The following XPOT variants were observed in gnomAD, a reference collection of about 807,000 sequenced individuals.
The protein encoded by XPOT is exportin-T.
A neutral mutation model predicts 128.2 loss-of-function variants in XPOT; 34 were observed. The ratio of observed to expected loss-of-function variants is 0.27; its 90% CI spans 0.20 to 0.35. The LOEUF (loss-of-function observed/expected upper bound fraction) is 0.35. Among genes scored for constraint, XPOT ranks in the 10% least tolerant of loss-of-function variants. The pLI, the probability that XPOT is intolerant of heterozygous loss-of-function variation, is 1.00. For synonymous variants in XPOT, 348 were observed against 394.3 expected (o/e 0.88, Z 1.39); for missense variants, 838 against 1,125.3 (o/e 0.74, Z 3.65).
rs768329930 is a variant in XPOT, at chr12:64,435,624, C to T, written c.2686-3C>T. The T allele has an allele frequency of 2.5e-6, 4 of 1,589,832 alleles. No homozygotes were observed. The highest frequency in any genetic ancestry group is 1.7e-5 in the Admixed American group (1 of 57,974). On this transcript the variant is annotated splice_region_variant and splice_polypyrimidine_tract_variant and intron_variant, in intron 21 of 24. Coordinates refer to ENST00000332707, the MANE Select transcript of XPOT (RefSeq NM_007235.6). ...TAGAAATTCTTAAACTTGTTTTTCA[C>T]AGGCTTTATCTGAGTGTGCAGTGAC...
chr12:64,439,943 A>C (rs775098734), intron 23 of XPOT, among the ~76,000 whole-genome samples: 1 of 152,190 alleles, frequency 6.6e-6, no homozygotes, highest in Non-Finnish European at 1.5e-5. Context: ...TTCTTCATCA[A>C]TAGTGTTTTT....
At chr12:64,444,986 AAATT>A in intron 23 of XPOT, 85 bp from the exon 24 acceptor site, 1 of 1,148,584 alleles carries the variant, frequency 8.7e-7, no homozygotes, top group Non-Finnish European at 1.2e-6. Flanking sequence ...AAAAAAAAAA[AAATT>A]AAAAAAAAAA....
At chr12:64,438,667 A>G (rs11609676) in intron 22 of XPOT, among the ~76,000 whole-genome samples, 45,906 of 149,848 alleles carry the variant, frequency 0.31, 7,536 homozygotes, top group Middle Eastern at 0.47. Context: ...TCGCTCTGTC[A>G]CCCAGGCTGG....
intron 23 of XPOT, among the ~76,000 whole-genome samples, chr12:64,440,302 G>A (rs549923809): frequency 7.2e-5 from 11 of 152,166 alleles, no homozygotes; most frequent in South Asian, 2.1e-4. Flanking sequence ...GCAGGATTTC[G>A]CAATTTTTTA....
intron 24 of XPOT, among the ~76,000 whole-genome samples, chr12:64,446,312 G>A (rs1189773991): frequency 6.6e-6 from 1 of 152,132 alleles, no homozygotes; most frequent in African/African-American, 2.4e-5. Flanking sequence ...CTTCTCTTCA[G>A]TGATGACATT....
At chr12:64,435,888 A>G (rs942769344) in intron 22 of XPOT, among the ~76,000 whole-genome samples, 1 of 152,194 alleles carries the variant, frequency 6.6e-6, no homozygotes, top group Non-Finnish European at 1.5e-5. Context: ...AATCTTAGCC[A>G]GAATTTCAAG....
Position 64,425,151 on chromosome 12 carries a change from A to C in XPOT, c.1421A>C (p.Lys474Thr). The C allele has an allele frequency of 6.2e-7, 1 of 1,614,096 alleles. No homozygotes were observed. Among genetic ancestry groups the C allele is most frequent in the Non-Finnish European group, 8.5e-7 (1 of 1,179,992 alleles). The change falls in exon 13 of 25, where the codon AAA (lysine) becomes ACA (threonine). Residue 474 changes from lysine (K) to threonine (T), a missense_variant. Transcript: ENST00000332707. Reference protein sequence around the residue: ...HGAHFSGDVSKASALQDMMRT... With the variant: ...HGAHFSGDVSTASALQDMMRT... The stretch of plus-strand genomic sequence containing the variant: ...GCTCACTTCTCAGGTGATGTTTCAA[A>C]AGCTAGTGCTTTGCAGGATATGATG...
intron 2 of XPOT, among the ~76,000 whole-genome samples, chr12:64,411,608 G>C (rs1195589116): frequency 6.6e-6 from 1 of 152,192 alleles, no homozygotes; most frequent in African/African-American, 2.4e-5. Flanking sequence ...GCATAATTCA[G>C]TATCCATTTA....
chr12:64,418,329 G>T (rs1225458548), intron 5 of XPOT, among the ~76,000 whole-genome samples: 1 of 152,112 alleles, frequency 6.6e-6, no homozygotes, highest in Non-Finnish European at 1.5e-5. Context: ...TAGTTTCCAT[G>T]ACACATTGTG....
At chr12:64,420,713 C>G (rs540378870) in intron 8 of XPOT, among the ~76,000 whole-genome samples, 192 bp downstream of exon 8, 8 of 152,316 alleles carry the variant, frequency 5.3e-5, no homozygotes, top group Non-Finnish European at 7.4e-5. Flanking sequence ...TATACCAGTT[C>G]TTAAACCTGA....
At chr12:64,431,134 G>A (rs901077803) in intron 17 of XPOT, among the ~76,000 whole-genome samples, 9 of 151,958 alleles carry the variant, frequency 5.9e-5, no homozygotes, top group Admixed American at 5.2e-4. Context: ...AGTAAAGACC[G>A]GTTTTGACCA....
chr12:64,433,710 C>T, intron 19 of XPOT, 107 bp downstream of exon 19: 1 of 1,117,230 alleles, frequency 9.0e-7, no homozygotes, highest in South Asian at 2.3e-5. Flanking sequence ...TTGAAGTTTG[C>T]TATCCCATGG....
chr12:64,431,109 A>G (rs1302195126), intron 17 of XPOT, among the ~76,000 whole-genome samples: 1 of 151,986 alleles, frequency 6.6e-6, no homozygotes. Context: ...ACACCCAGCT[A>G]ATTTTTCTAT....
At chr12:64,447,182 C>T (rs560723668) in intron 24 of XPOT, among the ~76,000 whole-genome samples, 15 of 152,222 alleles carry the variant, frequency 9.9e-5, no homozygotes, top group South Asian at 6.2e-4. Context: ...ATCTCCCACC[C>T]GGTCCTTCCC....
chr12:64,448,395 C>A lies in XPOT; in HGVS notation c.*264C>A. 2 of 389,330 alleles carry A rather than the reference C, an allele frequency of 5.1e-6. No homozygotes were observed. The highest frequency in any genetic ancestry group is 9.2e-6 in the Non-Finnish European group (2 of 217,416). 24.1% of individuals were successfully genotyped at this position (389,330 alleles called of 1,614,324 possible). A position where few individuals can be genotyped will look rare whatever the true frequency, so the allele number is the denominator to read the frequency against. ...CAAGAGTTATCCTAGAACCTTAATT[C>A]TTTTTTATTTGAAATTTTAAGTCAA... On this transcript the variant is annotated 3_prime_UTR_variant, in exon 25 of 25. Transcript: ENST00000332707.
Position 64,439,284 on chromosome 12 carries a change from C to G in XPOT, c.2774C>G (p.Pro925Arg). The G allele has an allele frequency of 6.2e-7, 1 of 1,614,000 alleles. No homozygotes were observed. Among genetic ancestry groups the G allele is most frequent in the Non-Finnish European group, 8.5e-7 (1 of 1,179,960 alleles). ...CAGTATCTTCAACAAGAATACCTGC[C>G]CTCCTTGCAAGTAGCTCCAGAAATA... ...CVQYLQQEYL[P>R]SLQVAPEIIQ... The change falls in exon 23 of 25, where the codon CCC becomes CGC. Residue 925 changes from proline to arginine, a missense_variant. This residue lies in a region of XPOT where 56 missense variants were observed against 79.2 expected (regional missense o/e 0.71). Transcript: ENST00000332707.
chr12:64,433,592 T>C lies in XPOT; in HGVS notation c.2441T>C (p.Ile814Thr), dbSNP rs1430851511. The C allele has an allele frequency of 1.9e-6, 3 of 1,601,152 alleles. No individual in the cohort carries two copies. The highest frequency in any genetic ancestry group is 1.7e-4 in the Middle Eastern group (1 of 6,020). ...TVTGSGMSEV[I>T]ANQGAENVER... is the part of the protein sequence containing the mutation. ...ACAGGCAGTGGGATGAGCGAAGTTATAGCAAATCAAGGTGGGAACACATGC... is the reference window on the plus strand; with the variant it reads ...ACAGGCAGTGGGATGAGCGAAGTTACAGCAAATCAAGGTGGGAACACATGC... Residue 814 changes from isoleucine (I) to threonine (T), a missense_variant, in exon 19 of 25, where the codon ATA (isoleucine) becomes ACA (threonine). By Grantham distance (89) the Ile-to-Thr change is moderately conservative (BLOSUM62 -1). Coordinates refer to ENST00000332707, the MANE Select transcript of XPOT (RefSeq NM_007235.6).
chr12:64,432,729 A>C (rs953598933), intron 18 of XPOT, among the ~76,000 whole-genome samples: 1 of 152,230 alleles, frequency 6.6e-6, no homozygotes, highest in Non-Finnish European at 1.5e-5. Flanking sequence ...AAGTATTGAG[A>C]ACATGCTATT....
Position 64,434,870 on chromosome 12 carries a change from A to T in XPOT, c.2646A>T (p.Leu882Phe). 6.2e-7 allele frequency: 1 copy of T among 1,612,376 alleles called. No individual in the cohort carries two copies. The highest frequency in any genetic ancestry group is 8.5e-7 in the Non-Finnish European group (1 of 1,179,998). Residue 882 changes from leucine (L) to phenylalanine (F), a missense_variant, in exon 21 of 25, where the codon TTA (leucine) becomes TTT (phenylalanine). By Grantham distance (22) the Leu-to-Phe change is conservative. Coordinates refer to ENST00000332707, the MANE Select transcript of XPOT (RefSeq NM_007235.6). ...TCCCCGCATGTTTCCTAGCACCTTTAAAACAAACCTTTGACCTGGCAGATG... is the reference window on the plus strand; with the variant it reads ...TCCCCGCATGTTTCCTAGCACCTTTTAAACAAACCTTTGACCTGGCAGATG... ...HIVPACFLAP[L>F]KQTFDLADAQ...
Sources: allele counts gnomAD v4.1 joint callset (sites outside exome capture counted in the v4.1 genomes callset), GRCh38; gene constraint gnomAD v4.1.1; regional missense constraint gnomAD v4.1.1; transcripts MANE v1.5; gene names NCBI Gene and HGNC (gene_info 2026-07-23, HGNC 2026-07-21).